Variants in P2RX6 observed in about 807,000 individuals in gnomAD.
The protein encoded by P2RX6 is purinergic receptor P2X 6.
Under a neutral mutation model 54.2 loss-of-function variants are expected in P2RX6, and 62 were observed. The ratio of observed to expected loss-of-function variants is 1.14; its 90% CI spans 0.93 to 1.41. The LOEUF (loss-of-function observed/expected upper bound fraction) is 1.41. Among genes scored for constraint, P2RX6 ranks in the 40% most tolerant of loss-of-function variants. The pLI, the probability that P2RX6 is intolerant of heterozygous loss-of-function variation, is 0.00. For synonymous variants in P2RX6, 211 were observed against 231.9 expected (o/e 0.91, Z 0.82); for missense variants, 541 against 566.3 (o/e 0.96, Z 0.45).
intron 3 of P2RX6, among the ~76,000 whole-genome samples, chr22:21,019,577 G>A (rs1229144961): frequency 1.3e-5 from 2 of 152,248 alleles, no homozygotes; most frequent in South Asian, 2.1e-4. Context: ...GCCTCTCAAA[G>A]TGCTGGGATT....
chr22:21,015,114 G>A, upstream of P2RX6: 43 of 1,079,008 alleles, frequency 4.0e-5, no homozygotes, highest in Non-Finnish European at 5.5e-5. Flanking sequence ...AACTGGCCTG[G>A]CCTGGCTCGG....
intron 4 of P2RX6, 70 bp downstream of exon 4, chr22:21,022,821 T>A: frequency 6.8e-7 from 1 of 1,471,676 alleles, no homozygotes; most frequent in Admixed American, 1.9e-5. Flanking sequence ...GGGTGGCTCC[T>A]GAGTGCAGGC....
At position 21,023,399 on chromosome 22, in the gene P2RX6, G is replaced by C. The variant is rs748172359; in HGVS notation, c.763G>C (p.Glu255Gln). Residue 255 changes from glutamate (E) to glutamine (Q), a missense_variant, in exon 7 of 12, where the codon GAG becomes CAG. Transcript: ENST00000413302. The stretch of plus-strand genomic sequence containing the variant: ...CGTGGCCAAGGCTGGAGGGACCTTC[G>C]AGGACCTGGCGTTGCTGGTGGGTCC... The part of the protein sequence containing the change: ...DLVAKAGGTF[E>Q]DLALLGGSVG... 7.4e-6 allele frequency: 12 copies of C among 1,613,904 alleles called. No homozygotes were observed. Among genetic ancestry groups the C allele is most frequent in the African/African-American group, 2.7e-5 (2 of 74,938 alleles).
At chr22:21,019,698 G>A (rs1927027019) in intron 3 of P2RX6, among the ~76,000 whole-genome samples, 1 of 152,220 alleles carries the variant, frequency 6.6e-6, no homozygotes, top group Admixed American at 6.5e-5. Context: ...GAAATCAGGG[G>A]TATCACAGCC....
chr22:21,015,144 T>A, upstream of P2RX6: 1 of 1,386,378 alleles, frequency 7.2e-7, no homozygotes, highest in South Asian at 1.5e-5. Flanking sequence ...TGCCTCCTGT[T>A]CAGCTGCGGC....
chr22:21,023,006 G>T lies in P2RX6; in HGVS notation c.528G>T (p.Trp176Cys). ...ACAGGACCTGTGAGATCTGGAGTTG[G>T]TGCCCCGTGGAGAGTGGCGTTGTGC... ...GTHRTCEIWSWCPVESGVVPS... is the reference protein window; with the variant it reads ...GTHRTCEIWSCCPVESGVVPS... The change falls in exon 5 of 12, where the codon TGG (tryptophan) becomes TGT (cysteine). Residue 176 changes from tryptophan (W) to cysteine (C), a missense_variant. Trp to Cys is a radical substitution (Grantham distance 215). Around this residue, in one of 2 missense-constraint regions of P2RX6, gnomAD observed 526 missense variants for 531.5 expected, o/e 0.99. Coordinates refer to ENST00000413302, the MANE Select transcript of P2RX6 (RefSeq NM_005446.5). 1 of 1,613,502 alleles carries T rather than the reference G, an allele frequency of 6.2e-7. No homozygotes were observed. The highest frequency in any genetic ancestry group is 1.1e-5 in the South Asian group (1 of 91,068).
At chr22:21,020,669 C>T (rs112893393) in intron 3 of P2RX6, among the ~76,000 whole-genome samples, 2,447 of 149,742 alleles carry the variant, frequency 0.016, 57 homozygotes, top group African/African-American at 0.054. Context: ...CGGCTCACTG[C>T]ACACCTCCAC....
intron 3 of P2RX6, among the ~76,000 whole-genome samples, chr22:21,020,933 G>A (rs1189718339): frequency 6.6e-6 from 1 of 151,994 alleles, no homozygotes; most frequent in Non-Finnish European, 1.5e-5. Flanking sequence ...GGTGGATTTG[G>A]TTGAAGCAGG....
chr22:21,018,316 C>T, intron 3 of P2RX6: 1 of 469,678 alleles, frequency 2.1e-6, no homozygotes, highest in South Asian at 2.1e-5. Context: ...TTTCTTAAGG[C>T]CTCCAGGCCT....
In P2RX6 at chr22:21,019,502, C is replaced by T. The variant is rs142106016; in HGVS notation, c.387+1442C>T. On this transcript the variant is annotated intron_variant, in intron 3 of 11. Coordinates refer to ENST00000413302, the MANE Select transcript of P2RX6 (RefSeq NM_005446.5). ...CTAATTTTTGTATTTTAAGTAGAGA[C>T]GGGGTTTCACCATGTTGGCCAGGCT... is the stretch of plus-strand genomic sequence containing the variant. Among the ~76,000 whole-genome samples the T allele has an allele frequency of 4.7e-3, 717 of 152,212 alleles. 7 individuals carry two copies. The highest frequency in any genetic ancestry group is 0.021 in the Middle Eastern group (6 of 292).
chr22:21,015,117 T>C, upstream of P2RX6: 3 of 1,139,468 alleles, frequency 2.6e-6, no homozygotes, highest in Non-Finnish European at 3.6e-6. Context: ...TGGCCTGGCC[T>C]GGCTCGGGCC....
In P2RX6 at chr22:21,022,299, G is replaced by A. The variant is rs150597773; in HGVS notation, c.388-377G>A. On this transcript the variant is annotated intron_variant, in intron 3 of 11. Transcript: ENST00000413302. ...TGAGGTGAGAGGATTGCTTAAGCCCGGGAGGGCGAGGCTGTAGTGAGCCAT... is the reference window on the plus strand; with the variant it reads ...TGAGGTGAGAGGATTGCTTAAGCCCAGGAGGGCGAGGCTGTAGTGAGCCAT... 3.7e-3 allele frequency among the ~76,000 whole-genome samples: 569 copies of A among 152,336 alleles called. 7 individuals are homozygous for A. Among genetic ancestry groups the A allele is most frequent in the African/African-American group, 0.013 (552 of 41,586 alleles).
upstream of P2RX6, among the ~76,000 whole-genome samples, chr22:21,012,032 C>T (rs1925764510): frequency 2.0e-5 from 3 of 152,216 alleles, no homozygotes; most frequent in Non-Finnish European, 2.9e-5. Context: ...ACTTCATGCT[C>T]ACCACAGCCC....
intron 3 of P2RX6, chr22:21,018,494 CT>C (rs1926818527): frequency 4.0e-6 from 1 of 248,690 alleles, no homozygotes; most frequent in African/African-American, 2.2e-5. Flanking sequence ...GGAATATCAC[CT>C]CCCCTTGTCT....
At chr22:21,012,652 C>T (rs1442183785), upstream of P2RX6, 11 of 542,434 alleles carry the variant, frequency 2.0e-5, no homozygotes, top group Admixed American at 5.1e-5. Flanking sequence ...AGCCAGAGAC[C>T]GGCGCCCTGG....
At chr22:21,015,837 G>T in intron 1 of P2RX6, 105 bp from the exon 2 acceptor site, 3 of 1,215,402 alleles carry the variant, frequency 2.5e-6, no homozygotes, top group Non-Finnish European at 3.4e-6. Flanking sequence ...ATGTTGGGCC[G>T]GGAGCCTGTA....
At chr22:21,023,688 AC>A in intron 8 of P2RX6, 70 bp downstream of exon 8, 2 of 1,135,234 alleles carry the variant, frequency 1.8e-6, no homozygotes. Context: ...GCCAGGACAG[AC>A]CACACCCAGG....
At position 21,022,685 on chromosome 22, in the gene P2RX6, G is replaced by A. The variant is rs143292411; in HGVS notation, c.397G>A (p.Val133Ile). 1.1e-4 allele frequency: 179 copies of A among 1,563,704 alleles called. No homozygotes were observed. The African/African-American group carries it at 1.6e-3, about 14-fold the overall frequency. The stretch of plus-strand genomic sequence containing the variant: ...CTCTCTCCCACCTCAGCACCCGTCC[G>A]TCCCACTGGCTAACTGCTGGGTCGA... The part of the protein sequence containing the change: ...VQGRCPEHPS[V>I]PLANCWVDED... Residue 133 changes from valine (V) to isoleucine (I), a missense_variant, in exon 4 of 12, where the codon GTC (valine) becomes ATC (isoleucine). Val to Ile is a conservative substitution (Grantham distance 29). Coordinates refer to ENST00000413302, the MANE Select transcript of P2RX6 (RefSeq NM_005446.5).
At chr22:21,015,821 C>G in intron 1 of P2RX6, 121 bp from the exon 2 acceptor site, 1 of 980,680 alleles carries the variant, frequency 1.0e-6, no homozygotes, top group Non-Finnish European at 1.5e-6. Context: ...GGAGGTGGGG[C>G]CTTCGATGTT....
Sources: allele counts gnomAD v4.1 joint callset (sites outside exome capture counted in the v4.1 genomes callset), GRCh38; gene constraint gnomAD v4.1.1; regional missense constraint gnomAD v4.1.1; transcripts MANE v1.5; gene names NCBI Gene and HGNC (gene_info 2026-07-23, HGNC 2026-07-21).